The following MUC4 variants were observed in gnomAD, a reference collection of about 807,000 sequenced individuals.
MUC4 encodes mucin 4, cell surface associated.
MUC4 carries 202 observed loss-of-function variants against 257.9 expected under a neutral mutation model. That is an observed-to-expected ratio of 0.78 (90% CI 0.70 to 0.88). MUC4 has a LOEUF of 0.88. Ranked by LOEUF, MUC4 falls within the 40% of genes least tolerant of loss-of-function variation. MUC4 has a pLI of 0.00. For missense variants in MUC4, 5,976 were observed against 6,513.7 expected (o/e 0.92, Z 2.84); for synonymous variants, 2,351 against 2,757.1 (o/e 0.85, Z 4.62).
chr3:195,751,703 G>A (rs1716482154), intron 21 of MUC4: 2 of 262,876 alleles, frequency 7.6e-6, no homozygotes, highest in South Asian at 1.3e-4. Context: ...GGTGACAAAT[G>A]TCAACAGATT....
At chr3:195,770,666 G>T in intron 5 of MUC4, 1 of 505,070 alleles carries the variant, frequency 2.0e-6, no homozygotes, top group Admixed American at 3.3e-5. Flanking sequence ...AGCCACTCGG[G>T]CCCACTTTTA....
intron 1 of MUC4, among the ~76,000 whole-genome samples, chr3:195,794,064 G>A (rs1578445303): frequency 6.6e-6 from 1 of 150,614 alleles, no homozygotes; most frequent in South Asian, 2.1e-4. Context: ...GCAAGATAGC[G>A]AGACCCTGTG....
Position 195,788,507 on chromosome 3 carries a change from G to T in MUC4, c.3073C>A (p.Leu1025Ile). The T allele has an allele frequency of 6.7e-7, 1 of 1,493,318 alleles. No homozygotes were observed. Among genetic ancestry groups the T allele is most frequent in the Non-Finnish European group, 9.0e-7 (1 of 1,115,896 alleles). The allele number at this position is 1,493,318 out of a possible 1,614,324, so 92.5% of individuals were successfully genotyped here. The change falls in exon 2 of 25, where the codon CTT (leucine) becomes ATT (isoleucine). Residue 1025 changes from leucine to isoleucine, a missense_variant. Leu to Ile is a conservative substitution (Grantham distance 5). Coordinates refer to ENST00000463781, the MANE Select transcript of MUC4 (RefSeq NM_018406.7). ...TCTGAGGAAGTGTCGGTGACAGGAAGAGGGGTGGTGTGACCTGTGGATACT... is the reference window on the plus strand; with the variant it reads ...TCTGAGGAAGTGTCGGTGACAGGAATAGGGGTGGTGTGACCTGTGGATACT... ...SSVSTGHTTPLPVTDTSSEST... is the reference protein window; with the variant it reads ...SSVSTGHTTPIPVTDTSSEST...
rs564544844 is a variant in MUC4, at chr3:195,797,176, C to T, written c.83-5679G>A. Among the ~76,000 whole-genome samples, 412 of 151,628 alleles carry T rather than the reference C, an allele frequency of 2.7e-3. 4 individuals carry two copies. The highest frequency in any genetic ancestry group is 9.6e-3 in the African/African-American group (396 of 41,304). On this transcript the variant is annotated intron_variant, in intron 1 of 24. Transcript: ENST00000463781. ...CCCAGCTACTCAGGAGGCTGAGGCA[C>T]GAGAATTGCTTGAACCCAGGAGGCA... is the stretch of plus-strand genomic sequence containing the variant.
chr3:195,747,608 T>C (rs1715316843), intron 24 of MUC4, among the ~76,000 whole-genome samples: 1 of 152,282 alleles, frequency 6.6e-6, no homozygotes, highest in Non-Finnish European at 1.5e-5. Flanking sequence ...CTCACGCCTG[T>C]AATCCCAGCA....
intron 7 of MUC4, among the ~76,000 whole-genome samples, chr3:195,767,679 C>T (rs1721374739): frequency 1.4e-3 from 1 of 698 alleles, no homozygotes; most frequent in Admixed American, 0.014. Context: ...CCATCACCAC[C>T]ATCACTGGCC....
At chr3:195,811,629 A>C (rs1736758420) in intron 1 of MUC4, 107 bp downstream of exon 1, 128 of 875,576 alleles carry the variant, frequency 1.5e-4, no homozygotes, top group South Asian at 8.6e-4. Flanking sequence ...CCTTTCCCCT[A>C]TTCTCTCTCT....
intron 13 of MUC4, among the ~76,000 whole-genome samples, chr3:195,762,597 C>CCCTGCACCGCAACGCACCG (rs1719351352): frequency 3.9e-5 from 2 of 51,406 alleles, no homozygotes; most frequent in Admixed American, 1.8e-4. Context: ...GCCACGCACC[C>CCCTGCACCGCAACGCACCG]GGCCCTGCAC....
chr3:195,768,946 A>AGT, intron 7 of MUC4, 76 bp downstream of exon 7: 2 of 1,532,094 alleles, frequency 1.3e-6, no homozygotes, highest in South Asian at 1.2e-5. Context: ...CCAGGATGGG[A>AGT]GTGTGTGTGC....
chr3:195,778,673 G>A lies in MUC4; in HGVS notation c.12790+117C>T, dbSNP rs73891103. 1,284 of 1,329,242 alleles carry A rather than the reference G, an allele frequency of 9.7e-4. 11 individuals are homozygous for A. In the African/African-American group the frequency reaches 0.017, roughly 18 times the overall value. The allele number at this position is 1,329,242 out of a possible 1,614,324, so 82.3% of individuals were successfully genotyped here. On this transcript the variant is annotated intron_variant, in intron 2 of 24. Coordinates refer to ENST00000463781, the MANE Select transcript of MUC4 (RefSeq NM_018406.7). Reference sequence around the variant, plus strand: ...ACACCCATCACCTCCTCCCCTGTGGGACCTGACACGGCCCCACCAGGTAAT... The same window carrying A: ...ACACCCATCACCTCCTCCCCTGTGGAACCTGACACGGCCCCACCAGGTAAT...
chr3:195,761,161 C>T, intron 15 of MUC4, 44 bp from the exon 16 acceptor site: 2 of 1,554,440 alleles, frequency 1.3e-6, no homozygotes, highest in African/African-American at 2.7e-5. Flanking sequence ...GGCACTCAGC[C>T]TTATTCCATC....
chr3:195,779,383 T>C lies in MUC4; in HGVS notation c.12197A>G (p.His4066Arg). 5 of 983,080 alleles carry C rather than the reference T, an allele frequency of 5.1e-6. 2 individuals are homozygous for C. The Middle Eastern group carries it at 1.2e-3, about 227-fold the overall frequency. The allele number at this position is 983,080 out of a possible 1,614,324, so 60.9% of individuals were successfully genotyped here. ...GGATGCTGAGGAAGGGCTGGTGACA[T>C]GAAGAGGGGTGGCGTGACCTGTGGA... ...SLSTGHATPLHVTSPSSASRG... is the reference protein window; with the variant it reads ...SLSTGHATPLRVTSPSSASRG... Residue 4066 changes from histidine (H) to arginine (R), a missense_variant, in exon 2 of 25, where the codon CAT becomes CGT. Physicochemically the swap from His to Arg is conservative, Grantham distance 29. Coordinates refer to ENST00000463781, the MANE Select transcript of MUC4 (RefSeq NM_018406.7).
chr3:195,784,543 G>C lies in MUC4; in HGVS notation c.7037C>G (p.Ser2346Cys), dbSNP rs767787504. The change falls in exon 2 of 25, where the codon TCC becomes TGC. Residue 2346 changes from serine to cysteine, a missense_variant. By Grantham distance (112) the Ser-to-Cys change is moderately radical. Around this residue, in one of 44 missense-constraint regions of MUC4, gnomAD observed 35 missense variants for 64.3 expected, o/e 0.54. Coordinates refer to ENST00000463781, the MANE Select transcript of MUC4 (RefSeq NM_018406.7). ...ATGAAGAGGGGTGGCGTGACCTGTGGATGCTGAGGAAGGGCTAGTGACAGG... is the reference window on the plus strand; with the variant it reads ...ATGAAGAGGGGTGGCGTGACCTGTGCATGCTGAGGAAGGGCTAGTGACAGG... Reference protein sequence around the residue: ...PLPVTSPSSASTGHATPLHVT... With the variant: ...PLPVTSPSSACTGHATPLHVT... 15 of 1,537,128 alleles carry C rather than the reference G, an allele frequency of 9.8e-6. No homozygotes were observed. Among genetic ancestry groups the C allele is most frequent in the Admixed American group, 2.0e-5 (1 of 50,306 alleles).
chr3:195,803,914 G>T (rs1022020734), intron 1 of MUC4, among the ~76,000 whole-genome samples: 1 of 152,140 alleles, frequency 6.6e-6, no homozygotes, highest in African/African-American at 2.4e-5. Context: ...GCCGAGCCAG[G>T]CACATTCTCG....
chr3:195,807,495 CCAA>C (rs1439507089), intron 1 of MUC4, among the ~76,000 whole-genome samples: 7 of 151,892 alleles, frequency 4.6e-5, no homozygotes, highest in Admixed American at 4.6e-4. Context: ...ACCCAAAAAA[CCAA>C]CAACAACAGC....
Position 195,784,637 on chromosome 3 carries a change from T to G in MUC4, c.6943A>C (p.Thr2315Pro). The G allele has an allele frequency of 7.2e-7, 1 of 1,389,366 alleles. No homozygotes were observed. Among genetic ancestry groups the G allele is most frequent in the East Asian group, 2.7e-5 (1 of 36,406 alleles). The allele number at this position is 1,389,366 out of a possible 1,614,324, so 86.1% of individuals were successfully genotyped here. ...ACAGGAAGAGGGGTGGCGTGACCTG[T>G]GGATGCTGAGGAAGCGTCGGTGACA... Reference protein sequence around the residue: ...LHVTDASSASTGHATPLPVTS... With the variant: ...LHVTDASSASPGHATPLPVTS... The change falls in exon 2 of 25, where the codon ACA (threonine) becomes CCA (proline). Residue 2315 changes from threonine (T) to proline (P), a missense_variant. This residue lies in a region of MUC4 where 62 missense variants were observed against 74.0 expected (regional missense o/e 0.84). Transcript: ENST00000463781.
In MUC4 at chr3:195,782,499, G is replaced by T; in HGVS notation, c.9081C>A (p.Val3027=). 1 of 1,384,812 alleles carries T rather than the reference G, an allele frequency of 7.2e-7. No individual in the cohort carries two copies. Among genetic ancestry groups the T allele is most frequent in the Non-Finnish European group, 9.7e-7 (1 of 1,029,714 alleles). 85.8% of individuals were successfully genotyped at this position (1,384,812 alleles called of 1,614,324 possible). A position where few individuals can be genotyped will look rare whatever the true frequency, so the allele number is the denominator to read the frequency against. The change falls in exon 2 of 25, where the codon GTC becomes GTA. Residue 3027 remains valine, a synonymous_variant. Coordinates refer to ENST00000463781, the MANE Select transcript of MUC4 (RefSeq NM_018406.7). ...ISTGHATPLH[V]TSPSSASTGH... ...CGGTGGATGCTGAGGAAGGGCTGGTGACATGAAGAGGGGTGGCGTGACCTG... is the reference window on the plus strand; with the variant it reads ...CGGTGGATGCTGAGGAAGGGCTGGTTACATGAAGAGGGGTGGCGTGACCTG...
intron 1 of MUC4, among the ~76,000 whole-genome samples, chr3:195,799,261 G>A (rs904669589): frequency 8.4e-5 from 4 of 47,652 alleles, no homozygotes; most frequent in African/African-American, 1.9e-4. Flanking sequence ...GTGTGTGTGT[G>A]ACACTGTGTG....
chr3:195,754,105 A>C, intron 19 of MUC4, 108 bp downstream of exon 19: 1 of 1,399,420 alleles, frequency 7.1e-7, no homozygotes, highest in Non-Finnish European at 9.7e-7. Context: ...TGAGCATTCT[A>C]AAGATCTGCT....
Sources: allele counts gnomAD v4.1 joint callset (sites outside exome capture counted in the v4.1 genomes callset), GRCh38; gene constraint gnomAD v4.1.1; regional missense constraint gnomAD v4.1.1; transcripts MANE v1.5; gene names NCBI Gene and HGNC (gene_info 2026-07-23, HGNC 2026-07-21).